Variants in NALCN observed in about 807,000 individuals in gnomAD.
The protein encoded by NALCN is sodium leak channel, non-selective.
NALCN carries 111 observed loss-of-function variants against 225.3 expected under a neutral mutation model. The ratio of observed to expected loss-of-function variants is 0.49; its 90% CI spans 0.42 to 0.58. The LOEUF (loss-of-function observed/expected upper bound fraction) is 0.58. Ranked by LOEUF, NALCN falls within the 20% of genes least tolerant of loss-of-function variation. NALCN has a pLI of 0.00. For synonymous variants in NALCN, 764 were observed against 769.0 expected, an observed-to-expected ratio of 0.99 and a Z score of 0.11; for missense variants, 1,378 against 2,202.4, an observed-to-expected ratio of 0.63 and a Z score of 7.49.
chr13:101,159,729 C>A (rs1198902871), intron 15 of NALCN, among the ~76,000 whole-genome samples: 1 of 151,820 alleles, frequency 6.6e-6, no homozygotes, highest in Non-Finnish European at 1.5e-5. Flanking sequence ...GCCTATGAGA[C>A]CAGGGAGATG....
At position 101,258,566 on chromosome 13, in the gene NALCN, C is replaced by T; in HGVS notation, c.1143G>A (p.Met381Ile). The T allele has an allele frequency of 1.2e-6, 2 of 1,614,138 alleles. No individual in the cohort carries two copies. The highest frequency in any genetic ancestry group is 1.7e-6 in the Non-Finnish European group (2 of 1,180,008). ...TGAACATGTGGAAAACGGATGACCGCATCATTTTCTGAGGGGGCGAAACAG... is the reference window on the plus strand; with the variant it reads ...TGAACATGTGGAAAACGGATGACCGTATCATTTTCTGAGGGGGCGAAACAG... ...GRAPACLQKM[M>I]RSSVFHMFIL... Residue 381 changes from methionine (M) to isoleucine (I), a missense_variant, in exon 11 of 44, where the codon ATG becomes ATA. Coordinates refer to ENST00000251127, the MANE Select transcript of NALCN (RefSeq NM_052867.4).
intron 32 of NALCN, 78 bp from the exon 33 acceptor site, chr13:101,082,961 G>T: frequency 6.3e-7 from 1 of 1,576,738 alleles, no homozygotes; most frequent in Non-Finnish European, 8.7e-7. Flanking sequence ...TGCCCACTTT[G>T]CCATTGACAG....
intron 7 of NALCN, among the ~76,000 whole-genome samples, chr13:101,326,082 A>C (rs2044941824): frequency 6.6e-6 from 1 of 152,168 alleles, no homozygotes; most frequent in Non-Finnish European, 1.5e-5. Context: ...CTGTTTGACA[A>C]TTTACTTCTT....
intron 11 of NALCN, among the ~76,000 whole-genome samples, chr13:101,256,846 C>T (rs993041569): frequency 6.0e-5 from 9 of 151,242 alleles, no homozygotes; most frequent in Non-Finnish European, 1.2e-4. Flanking sequence ...TCACTGCAAC[C>T]TCCGCCTCCC....
chr13:101,053,936 C>G lies in NALCN; in HGVS notation c.*1359G>C, dbSNP rs2030879446. On this transcript the variant is annotated 3_prime_UTR_variant, in exon 44 of 44. Transcript: ENST00000251127. Reference sequence around the variant, plus strand: ...ACTGTAGACTGCCACTACCACGATACTTCTGTGACACAGAAGGAATGTCCT... The same window carrying G: ...ACTGTAGACTGCCACTACCACGATAGTTCTGTGACACAGAAGGAATGTCCT... 6.6e-6 allele frequency: 1 copy of G among 152,122 alleles called. No individual in the cohort carries two copies. The highest frequency in any genetic ancestry group is 2.1e-4 in the South Asian group (1 of 4,822). 9.4% of individuals were successfully genotyped at this position (152,122 alleles called of 1,614,324 possible).
At chr13:101,352,017 A>C (rs1458566150) in intron 6 of NALCN, among the ~76,000 whole-genome samples, 1 of 152,182 alleles carries the variant, frequency 6.6e-6, no homozygotes, top group Non-Finnish European at 1.5e-5. Flanking sequence ...CTCTTTTCAG[A>C]AAAATTTTCC....
chr13:101,110,342 A>C lies in NALCN; in HGVS notation c.2364+277T>G, dbSNP rs563013927. Reference sequence around the variant, plus strand: ...TATATACAATGCTTAAAATGTCTTTAATTTCAAGTCAAATCCAACTGATAA... The same window carrying C: ...TATATACAATGCTTAAAATGTCTTTCATTTCAAGTCAAATCCAACTGATAA... On this transcript the variant is annotated intron_variant, in intron 20 of 43. Transcript: ENST00000251127. 2.0e-5 allele frequency among the ~76,000 whole-genome samples: 3 copies of C among 152,346 alleles called. No individual in the cohort carries two copies. The South Asian group carries it at 6.2e-4, about 32-fold the overall frequency.
intron 13 of NALCN, among the ~76,000 whole-genome samples, chr13:101,218,852 G>A (rs532525550): frequency 2.0e-5 from 3 of 152,052 alleles, no homozygotes; most frequent in East Asian, 3.9e-4. Flanking sequence ...CTGCAGAACC[G>A]GGAGCAATTA....
At chr13:101,400,314 C>G (rs893108355) in intron 1 of NALCN, among the ~76,000 whole-genome samples, 6 of 152,006 alleles carry the variant, frequency 3.9e-5, no homozygotes, top group African/African-American at 1.4e-4. Context: ...TAGAGTTGAC[C>G]ATGCTGAAGC....
rs77223609 is a variant in NALCN at position 101,398,657 on chromosome 13, G to A, written c.108+362C>T. 4.9e-3 allele frequency among the ~76,000 whole-genome samples: 749 copies of A among 152,158 alleles called. 7 individuals carry two copies. Among genetic ancestry groups the A allele is most frequent in the African/African-American group, 0.017 (711 of 41,518 alleles). On this transcript the variant is annotated intron_variant, in intron 2 of 43. Coordinates refer to ENST00000251127, the MANE Select transcript of NALCN (RefSeq NM_052867.4). ...TCCAAACATGTGCATATTGTCTCAC[G>A]GATTCAGGAACGTTGACAACAAGTA...
chr13:101,192,609 G>A (rs1439191954), intron 13 of NALCN, among the ~76,000 whole-genome samples: 1 of 151,778 alleles, frequency 6.6e-6, no homozygotes. Flanking sequence ...CATTTTTCAT[G>A]ATTTAAAAAA....
rs1387780751 is a variant in NALCN, at chr13:101,083,717, G to A, written c.3577C>T (p.Arg1193Cys). ...ATCAGAGCATTTTGGGTACCCGGGC[G>A]AGGCGGAAGATGAAGAGGCTGTGCG... ...KIAQPLHLPP[R>C]PDNDGFRAKM... is the part of the protein sequence containing the mutation. Residue 1193 changes from arginine (R) to cysteine (C), a missense_variant, in exon 31 of 44, where the codon CGC becomes TGC. Coordinates refer to ENST00000251127, the MANE Select transcript of NALCN (RefSeq NM_052867.4). The A allele has an allele frequency of 1.9e-6, 3 of 1,613,278 alleles. No individual in the cohort carries two copies. Among genetic ancestry groups the A allele is most frequent in the Non-Finnish European group, 2.5e-6 (3 of 1,179,460 alleles).
chr13:101,133,218 C>T (rs541126228), intron 17 of NALCN, among the ~76,000 whole-genome samples: 1 of 152,262 alleles, frequency 6.6e-6, no homozygotes, highest in East Asian at 1.9e-4. Flanking sequence ...CAGAATGAAG[C>T]CATCAATATT....
intron 7 of NALCN, among the ~76,000 whole-genome samples, chr13:101,294,352 T>G (rs1476082959): frequency 6.6e-6 from 1 of 152,116 alleles, no homozygotes. Flanking sequence ...CACATAGAAA[T>G]GATAAATGCT....
chr13:101,284,107 T>A (rs767437958), intron 9 of NALCN, 88 bp from the exon 10 acceptor site: 2 of 1,128,524 alleles, frequency 1.8e-6, no homozygotes, highest in East Asian at 5.6e-5. Flanking sequence ...ATTTTTATGT[T>A]ATCAAAAATT....
intron 41 of NALCN, among the ~76,000 whole-genome samples, chr13:101,060,276 T>C (rs1486334383): frequency 5.5e-4 from 25 of 45,840 alleles, no homozygotes; most frequent in Middle Eastern, 0.017. Context: ...GTGTTTTCTG[T>C]TTTTTTTTTT....
intron 6 of NALCN, among the ~76,000 whole-genome samples, chr13:101,365,893 A>C (rs1331056351): frequency 6.6e-6 from 1 of 152,186 alleles, no homozygotes; most frequent in African/African-American, 2.4e-5. Flanking sequence ...TAATGGTTAC[A>C]CTTACTTACC....
At position 101,380,857 on chromosome 13, in the gene NALCN, AACACACACAC is replaced by A. The variant is rs58640505; in HGVS notation, c.292-2214_292-2205del. Among the ~76,000 whole-genome samples, 767 of 145,664 alleles carry A rather than the reference AACACACACAC, an allele frequency of 5.3e-3. 9 individuals are homozygous for A. The highest frequency in any genetic ancestry group is 0.017 in the African/African-American group (690 of 39,468). On this transcript the variant is annotated intron_variant, in intron 3 of 43. Transcript: ENST00000251127. ...ATTAGAGGATATATAATGCCTAGCT[AACACACACAC>A]ACACACACACACACACACACACACA...
At chr13:101,062,733 A>G (rs1301424376) in intron 40 of NALCN, among the ~76,000 whole-genome samples, 1 of 152,142 alleles carries the variant, frequency 6.6e-6, no homozygotes, top group Non-Finnish European at 1.5e-5. Context: ...CCTCCCAAGT[A>G]GCTGGGATTA....
Sources: allele counts gnomAD v4.1 joint callset (sites outside exome capture counted in the v4.1 genomes callset), GRCh38; gene constraint gnomAD v4.1.1; transcripts MANE v1.5; gene names NCBI Gene and HGNC (gene_info 2026-07-23, HGNC 2026-07-21).